PAM: variants seen among roughly 807,000 people sequenced by gnomAD.
PAM encodes peptidyl-glycine alpha-amidating monooxygenase.
A neutral mutation model predicts 122.1 loss-of-function variants in PAM; 72 were observed. The ratio of observed to expected loss-of-function variants is 0.59; its 90% confidence interval spans 0.49 to 0.72. The LOEUF (loss-of-function observed/expected upper bound fraction) is 0.72, where lower values mean the gene tolerates loss of function less well. Among genes scored for constraint, PAM ranks in the 30% least tolerant of loss-of-function variants. The pLI is 0.00. For synonymous variants in PAM, 389 were observed against 404.4 expected (o/e 0.96, Z 0.46); for missense variants, 1,106 against 1,183.7 (o/e 0.93, Z 0.96).
chr5:102,956,797 A>G (rs551561811), intron 12 of PAM, among the ~76,000 whole-genome samples: 6 of 152,196 alleles, frequency 3.9e-5, no homozygotes, highest in African/African-American at 1.2e-4. Context: ...ACATTGCACA[A>G]TTTAATTCCT....
rs1762378239 is a variant in PAM at position 102,961,180 on chromosome 5, T to G, written c.1113T>G (p.Ile371Met). 3 of 1,577,826 alleles carry G rather than the reference T, an allele frequency of 1.9e-6. No individual in the cohort carries two copies. The highest frequency in any genetic ancestry group is 2.6e-6 in the Non-Finnish European group (3 of 1,147,804). The change falls in exon 14 of 26, where the codon ATT (isoleucine) becomes ATG (methionine). Residue 371 changes from isoleucine to methionine, a missense_variant. By Grantham distance (10) the Ile-to-Met change is conservative (BLOSUM62 1). Coordinates refer to ENST00000438793, the MANE Select transcript of PAM (RefSeq NM_001177306.2). ...HHKETEYKDK[I>M]PLLQQPKREE... is the part of the protein sequence containing the mutation. ...CAGAAACAGAATATAAAGATAAGAT[T>G]CCTTTACTACAGCAGCCAAAACGAG...
intron 4 of PAM, among the ~76,000 whole-genome samples, chr5:102,903,168 T>C (rs1219558575): frequency 6.6e-6 from 1 of 151,598 alleles, no homozygotes; most frequent in Non-Finnish European, 1.5e-5. Context: ...GTAAGATTAA[T>C]AACTATTTTC....
At chr5:102,932,984 A>G (rs763998696) in intron 7 of PAM, among the ~76,000 whole-genome samples, 2 of 152,190 alleles carry the variant, frequency 1.3e-5, no homozygotes. Context: ...AATTCACACA[A>G]CGCACTACAT....
intron 14 of PAM, among the ~76,000 whole-genome samples, chr5:102,961,613 G>T (rs1178614504): frequency 1.3e-5 from 2 of 151,754 alleles, no homozygotes; most frequent in Non-Finnish European, 2.9e-5. Flanking sequence ...GTAGATTTGA[G>T]ATTCAAGAAA....
chr5:102,935,759 A>T (rs1162015955), intron 7 of PAM, among the ~76,000 whole-genome samples: 1 of 152,220 alleles, frequency 6.6e-6, no homozygotes, highest in Non-Finnish European at 1.5e-5. Flanking sequence ...ATAAGAATTA[A>T]CTGAAAGATC....
chr5:102,887,635 A>T (rs1422365603), intron 3 of PAM, among the ~76,000 whole-genome samples: 1 of 152,006 alleles, frequency 6.6e-6, no homozygotes, highest in Non-Finnish European at 1.5e-5. Flanking sequence ...GAACCACATT[A>T]GACTATTTAC....
intron 1 of PAM, among the ~76,000 whole-genome samples, chr5:102,790,965 A>G (rs985800687): frequency 6.6e-5 from 10 of 151,996 alleles, no homozygotes; most frequent in Non-Finnish European, 1.0e-4. Context: ...ATGCACATAT[A>G]CAAACAGAGA....
intron 15 of PAM, among the ~76,000 whole-genome samples, chr5:102,988,271 TGC>T (rs1772620867): frequency 6.6e-6 from 1 of 151,402 alleles, no homozygotes; most frequent in African/African-American, 2.5e-5. Context: ...TACCTTTAAG[TGC>T]ATACACCAAC....
Position 103,028,926 on chromosome 5 carries a change from C to CA in PAM, c.2785dup (p.Ser929LysfsTer3). The CA allele has an allele frequency of 6.2e-7, 1 of 1,606,490 alleles. No homozygotes were observed. Among genetic ancestry groups the CA allele is most frequent in the Non-Finnish European group, 8.5e-7 (1 of 1,177,620 alleles). Reference sequence around the variant, plus strand: ...GGCTTAAACCTTGGTAATTTCTTTGCAAGCCGTAAGGGCTACAGTCGAAAA... The same window carrying CA: ...GGCTTAAACCTTGGTAATTTCTTTGCAAAGCCGTAAGGGCTACAGTCGAAAA... On this transcript the variant is annotated frameshift_variant, in exon 26 of 26. Coordinates refer to ENST00000438793, the MANE Select transcript of PAM (RefSeq NM_001177306.2). LOFTEE classifies it high-confidence loss of function.
chr5:103,003,197 G>C, intron 17 of PAM, 48 bp downstream of exon 17: 1 of 845,812 alleles, frequency 1.2e-6, no homozygotes, highest in South Asian at 1.4e-5. Flanking sequence ...CATATATTGA[G>C]TATAAAGTGT....
intron 13 of PAM, among the ~76,000 whole-genome samples, chr5:102,960,606 A>T (rs1433388835): frequency 1.3e-5 from 2 of 151,896 alleles, no homozygotes; most frequent in Non-Finnish European, 2.9e-5. Flanking sequence ...AAATGGTCAT[A>T]TTGACTGTCA....
intron 5 of PAM, among the ~76,000 whole-genome samples, chr5:102,918,665 T>A (rs1746326337): frequency 6.6e-6 from 1 of 152,058 alleles, no homozygotes; most frequent in African/African-American, 2.4e-5. Flanking sequence ...CTACTTAGAG[T>A]TTCAGGCTTT....
intron 1 of PAM, among the ~76,000 whole-genome samples, chr5:102,826,605 T>C (rs185123769): frequency 1.3e-5 from 2 of 152,280 alleles, no homozygotes; most frequent in East Asian, 3.9e-4. Context: ...CCTCTTAAAA[T>C]CCATTTAGAG....
At chr5:102,825,910 A>G (rs897248555) in intron 1 of PAM, among the ~76,000 whole-genome samples, 2 of 152,114 alleles carry the variant, frequency 1.3e-5, no homozygotes, top group Admixed American at 1.3e-4. Context: ...AATAAATGAG[A>G]TTGTTCATGA....
chr5:102,808,526 T>C (rs1766895290), intron 1 of PAM, among the ~76,000 whole-genome samples: 1 of 152,336 alleles, frequency 6.6e-6, no homozygotes, highest in East Asian at 1.9e-4. Flanking sequence ...ATTCGAAATA[T>C]GTAACTTCCT....
intron 3 of PAM, among the ~76,000 whole-genome samples, chr5:102,874,616 C>T (rs1788565539): frequency 6.6e-6 from 1 of 151,858 alleles, no homozygotes; most frequent in African/African-American, 2.4e-5. Flanking sequence ...AAATTATTTT[C>T]AATCAATTTT....
intron 1 of PAM, among the ~76,000 whole-genome samples, chr5:102,851,103 T>C (rs986030490): frequency 1.3e-5 from 2 of 152,184 alleles, no homozygotes; most frequent in African/African-American, 4.8e-5. Context: ...GGATGCACGA[T>C]TCATTTAGAA....
At chr5:102,984,401 A>C (rs2400897) in intron 15 of PAM, among the ~76,000 whole-genome samples, 9,007 of 152,262 alleles carry the variant, frequency 0.059, 885 homozygotes, top group African/African-American at 0.21. Flanking sequence ...AATATATTTC[A>C]TGCAAATGAA....
At chr5:102,817,710 C>T (rs456036) in intron 1 of PAM, among the ~76,000 whole-genome samples, 90,169 of 151,016 alleles carry the variant, frequency 0.6, 27,337 homozygotes, top group South Asian at 0.77. Context: ...AGAGTGGCCA[C>T]AGTAATTCTT....
Sources: gnomAD v4.1 joint callset for allele counts (sites outside exome capture counted in the v4.1 genomes callset) on GRCh38, gnomAD v4.1.1 for gene constraint, MANE v1.5 for transcripts, NCBI Gene and HGNC (gene_info 2026-07-23, HGNC 2026-07-21) for gene names.